Variants in PDE4D observed in about 807,000 individuals in gnomAD.
The protein encoded by PDE4D is 3',5'-cyclic-AMP phosphodiesterase 4D.
A neutral mutation model predicts 87.4 loss-of-function variants in PDE4D; 24 were observed. That is an observed-to-expected ratio of 0.27 (90% CI 0.20 to 0.39). PDE4D has a LOEUF of 0.39. PDE4D is among the 10% of genes least tolerant of loss of function. The probability of loss-of-function intolerance (pLI) is 1.00; values close to 1 mark genes in which losing one functional copy is unlikely to be tolerated. For missense variants in PDE4D, 714 were observed against 1,041.0 expected, an observed-to-expected ratio of 0.69 and a Z score of 4.32; for synonymous variants, 384 against 383.2, an observed-to-expected ratio of 1.00 and a Z score of -0.02.
rs539093169 is a variant in PDE4D, at chr5:60,330,929, T to G, written c.-89-145242A>C. ...CAGGAGTGAACTGTCCCTTTCAGTA[T>G]ATTTGACATGAAATTCCTCACCTAC... On this transcript the variant is annotated intron_variant, in intron 1 of 16. Transcript: ENST00000502484. Among the ~76,000 whole-genome samples, 3 of 152,266 alleles carry G rather than the reference T, an allele frequency of 2.0e-5. No individual in the cohort carries two copies. The East Asian group carries it at 5.8e-4, about 29-fold the overall frequency.
At chr5:59,205,344 A>G (rs769733812) in intron 2 of PDE4D, among the ~76,000 whole-genome samples, 17 of 152,112 alleles carry the variant, frequency 1.1e-4, no homozygotes, top group Non-Finnish European at 1.6e-4. Context: ...AATGTTCTTT[A>G]CCTGGCAAAA....
rs530572625 is a variant in PDE4D at position 60,097,344 on chromosome 5, G to A, written c.42+88213C>T. Among the ~76,000 whole-genome samples, 5 of 151,012 alleles carry A rather than the reference G, an allele frequency of 3.3e-5. No homozygotes were observed. In the South Asian group the frequency reaches 8.4e-4, roughly 25 times the overall value. On this transcript the variant is annotated intron_variant, in intron 2 of 16. Coordinates refer to the PDE4D transcript ENST00000502484. ...TGTCTTTTGCTAAAGGACAAATAGAGAGCAAGTTGGAGAAATGCAGTATGA... is the reference window on the plus strand; with the variant it reads ...TGTCTTTTGCTAAAGGACAAATAGAAAGCAAGTTGGAGAAATGCAGTATGA...
chr5:59,483,377 A>T (rs1804587565), intron 1 of PDE4D, among the ~76,000 whole-genome samples: 1 of 152,184 alleles, frequency 6.6e-6, no homozygotes, highest in South Asian at 2.1e-4. Context: ...GTAAATATGT[A>T]TCTCACATAT....
At chr5:59,298,043 C>T (rs1267860555) in intron 1 of PDE4D, among the ~76,000 whole-genome samples, 1 of 151,036 alleles carries the variant, frequency 6.6e-6, no homozygotes, top group Non-Finnish European at 1.5e-5. Context: ...AGGGGAGGTA[C>T]TGGAGCTTGG....
chr5:60,256,915 A>G (rs555474368), intron 1 of PDE4D, among the ~76,000 whole-genome samples: 16 of 152,084 alleles, frequency 1.1e-4, no homozygotes, highest in African/African-American at 3.6e-4. Context: ...TCACATACGT[A>G]TATCTACACA....
Position 59,890,254 on chromosome 5 carries a change from TACACACACACAC to T in PDE4D, c.455+2902_455+2913del, listed in dbSNP as rs56258601. Among the ~76,000 whole-genome samples the T allele has an allele frequency of 9.0e-3, 1,304 of 145,410 alleles. 18 individuals carry two copies. The highest frequency in any genetic ancestry group is 0.023 in the African/African-American group (911 of 39,738). On this transcript the variant is annotated intron_variant, in intron 1 of 14. Coordinates refer to ENST00000340635, the MANE Select transcript of PDE4D (RefSeq NM_001104631.2). ...TGATGGTAAGATGGTGGTGCGCACGTACACACACACACACACACACACACACACACACACACA... is the reference window on the plus strand; with the variant it reads ...TGATGGTAAGATGGTGGTGCGCACGTACACACACACACACACACACACACA...
intron 1 of PDE4D, among the ~76,000 whole-genome samples, chr5:59,616,377 T>G (rs1030235543): frequency 1.3e-5 from 2 of 152,206 alleles, no homozygotes; most frequent in African/African-American, 4.8e-5. Flanking sequence ...TTTAAAGAAT[T>G]CAGCTCAGTA....
At chr5:59,343,204 A>G (rs993192401) in intron 1 of PDE4D, among the ~76,000 whole-genome samples, 2 of 151,966 alleles carry the variant, frequency 1.3e-5, no homozygotes, top group African/African-American at 4.8e-5. Context: ...CACATATAAT[A>G]TTTGGTTTAC....
intron 3 of PDE4D, among the ~76,000 whole-genome samples, chr5:59,958,827 C>T (rs777427172): frequency 2.6e-5 from 4 of 151,954 alleles, no homozygotes; most frequent in Non-Finnish European, 5.9e-5. Context: ...AACATAGTAA[C>T]GGAAGTCCTA....
intron 5 of PDE4D, among the ~76,000 whole-genome samples, chr5:59,129,736 G>A (rs142076171): frequency 3.9e-5 from 6 of 152,154 alleles, no homozygotes; most frequent in Non-Finnish European, 5.9e-5. Context: ...TTCTGGTCGC[G>A]AATGGTGAGG....
intron 1 of PDE4D, among the ~76,000 whole-genome samples, chr5:59,711,318 G>A (rs933047000): frequency 1.3e-5 from 2 of 151,680 alleles, no homozygotes; most frequent in Non-Finnish European, 2.9e-5. Flanking sequence ...AATCCCTTAA[G>A]TCTCTTTCCA....
At chr5:60,184,190 A>G (rs898149531) in intron 2 of PDE4D, among the ~76,000 whole-genome samples, 1 of 152,202 alleles carries the variant, frequency 6.6e-6, no homozygotes, top group Non-Finnish European at 1.5e-5. Context: ...CTCCAAGAAT[A>G]GGGAAATGTT....
chr5:60,034,117 G>T (rs1400925465), intron 2 of PDE4D, among the ~76,000 whole-genome samples: 1 of 152,192 alleles, frequency 6.6e-6, no homozygotes, highest in Non-Finnish European at 1.5e-5. Flanking sequence ...GAGATAGGAA[G>T]AAGCAGGAAG....
chr5:59,840,751 T>G (rs950459974), intron 1 of PDE4D, among the ~76,000 whole-genome samples: 1 of 152,028 alleles, frequency 6.6e-6, no homozygotes, highest in Non-Finnish European at 1.5e-5. Context: ...TTATGGCAAA[T>G]AGAGTTCTTG....
chr5:60,446,615 C>T (rs1661808712), intron 1 of PDE4D, among the ~76,000 whole-genome samples: 1 of 152,060 alleles, frequency 6.6e-6, no homozygotes, highest in Admixed American at 6.6e-5. Flanking sequence ...TGCATTGATA[C>T]AACAAATGAT....
At chr5:59,306,416 A>T (rs1771381835) in intron 1 of PDE4D, among the ~76,000 whole-genome samples, 1 of 152,130 alleles carries the variant, frequency 6.6e-6, no homozygotes, top group African/African-American at 2.4e-5. Context: ...GTGAGGTACC[A>T]TTGCATTCAT....
intron 2 of PDE4D, among the ~76,000 whole-genome samples, chr5:60,137,116 T>TA (rs1001181201): frequency 3.9e-5 from 6 of 152,180 alleles, no homozygotes; most frequent in Non-Finnish European, 7.3e-5. Flanking sequence ...CAGCCCTATC[T>TA]ATGTTCCCAC....
intron 1 of PDE4D, among the ~76,000 whole-genome samples, chr5:60,233,476 T>G (rs1238436952): frequency 6.6e-6 from 1 of 151,736 alleles, no homozygotes; most frequent in Non-Finnish European, 1.5e-5. Context: ...TAAAATTACT[T>G]TGAGATCAAT....
intron 1 of PDE4D, among the ~76,000 whole-genome samples, chr5:60,512,784 A>C (rs1486336643): frequency 1.3e-5 from 2 of 152,204 alleles, no homozygotes; most frequent in Admixed American, 6.5e-5. Flanking sequence ...GGTACTCTTC[A>C]GGCAGACAGA....
Sources: allele counts gnomAD v4.1 joint callset (sites outside exome capture counted in the v4.1 genomes callset), GRCh38; gene constraint gnomAD v4.1.1; transcripts MANE v1.5; gene names NCBI Gene and HGNC (gene_info 2026-07-23, HGNC 2026-07-21).